Variants in PCDHA2 observed in about 807,000 individuals in gnomAD.
PCDHA2 encodes protocadherin alpha-2.
A neutral mutation model predicts 66.0 loss-of-function variants in PCDHA2; 58 were observed. The observed-to-expected ratio is 0.88, with a 90% CI of 0.71 to 1.09. PCDHA2 has a LOEUF of 1.09. Among genes scored for constraint, PCDHA2 ranks in the 50% least tolerant of loss-of-function variants. PCDHA2 has a pLI of 0.00. For synonymous variants in PCDHA2, 634 were observed against 554.0 expected (o/e 1.14, Z -2.03); for missense variants, 1,267 against 1,242.3 (o/e 1.02, Z -0.30).
rs185567567 is a variant in PCDHA2, at chr5:140,888,396, T to C, written c.2389-90553T>C. 3.4e-3 allele frequency among the ~76,000 whole-genome samples: 514 copies of C among 152,282 alleles called. 3 individuals are homozygous for C. The highest frequency in any genetic ancestry group is 0.014 in the Middle Eastern group (4 of 294). On this transcript the variant is annotated intron_variant, in intron 1 of 3. Coordinates refer to ENST00000526136, the MANE Select transcript of PCDHA2 (RefSeq NM_018905.3). The stretch of plus-strand genomic sequence containing the variant: ...AGCTCTGAGATGCTGCTAAACACCA[T>C]CCAATTGCTGCCAAACATCCTACCG...
chr5:140,930,453 C>G (rs1195640207), intron 1 of PCDHA2: 6 of 152,300 alleles, frequency 3.9e-5, no homozygotes, highest in African/African-American at 1.5e-4. Flanking sequence ...AAACTCCTAG[C>G]CTCAAGTGAT....
chr5:140,948,959 C>T (rs1315047565), intron 1 of PCDHA2, among the ~76,000 whole-genome samples: 13 of 151,622 alleles, frequency 8.6e-5, no homozygotes, highest in South Asian at 6.2e-4. Context: ...ATTAAAGCCA[C>T]GAATTTATTA....
At chr5:140,968,162 C>A in intron 1 of PCDHA2, 1 of 1,614,122 alleles carries the variant, frequency 6.2e-7, no homozygotes, top group East Asian at 2.2e-5. Flanking sequence ...CAATGACAAT[C>A]CACCAAGCTT....
At chr5:140,815,273 C>T (rs2126662792) in intron 1 of PCDHA2, 88,389 of 151,918 alleles carry the variant, frequency 0.58, 26,490 homozygotes, top group African/African-American at 0.73. Flanking sequence ...CCTCTTTCCT[C>T]CTCTTACTGT....
chr5:140,998,003 T>C (rs2097793100), intron 3 of PCDHA2, among the ~76,000 whole-genome samples: 1 of 152,134 alleles, frequency 6.6e-6, no homozygotes, highest in Admixed American at 6.6e-5. Context: ...CCTCTGAGCC[T>C]TCCATCCCCA....
intron 1 of PCDHA2, among the ~76,000 whole-genome samples, chr5:140,957,377 G>A (rs1001680224): frequency 3.3e-5 from 5 of 152,074 alleles, no homozygotes; most frequent in Admixed American, 2.0e-4. Context: ...TTATTATAGT[G>A]TATTGTTATA....
At chr5:140,901,713 A>G (rs1463520839) in intron 1 of PCDHA2, among the ~76,000 whole-genome samples, 1 of 151,994 alleles carries the variant, frequency 6.6e-6, no homozygotes, top group Non-Finnish European at 1.5e-5. Context: ...ACATTTTCAG[A>G]TTGTCTTTTC....
intron 1 of PCDHA2, chr5:140,817,273 C>T (rs1554127237): frequency 6.6e-6 from 1 of 152,292 alleles, no homozygotes; most frequent in African/African-American, 2.4e-5. Flanking sequence ...TTGAATGGAA[C>T]TGTGCTGCTG....
chr5:140,857,437 G>A (rs1554150030), intron 1 of PCDHA2: 2 of 1,598,552 alleles, frequency 1.3e-6, no homozygotes, highest in East Asian at 4.5e-5. Context: ...CGGTGTTCGT[G>A]AAGGAGAACA....
rs572273107 is a variant in PCDHA2, at chr5:140,941,410, G to A, written c.2389-37539G>A. 1.3e-4 allele frequency among the ~76,000 whole-genome samples: 19 copies of A among 147,656 alleles called. 1 individual carries two copies. In the South Asian group the frequency reaches 3.3e-3, roughly 26 times the overall value. ...TGGCTCACTGCAACCTCCGCCTCCC[G>A]GGTTCAAGCAATTCTCTGCCTCAGC... On this transcript the variant is annotated intron_variant, in intron 1 of 3. Transcript: ENST00000526136.
At chr5:140,842,744 T>C in intron 1 of PCDHA2, 1 of 1,595,066 alleles carries the variant, frequency 6.3e-7, no homozygotes, top group East Asian at 2.2e-5. Context: ...CTGCCACATC[T>C]TCACGGTGTC....
rs543488933 is a variant in PCDHA2, at chr5:140,915,492, A to G, written c.2389-63457A>G. The stretch of plus-strand genomic sequence containing the variant: ...TGAAGGAGCTTGGGCCTCAATCCCA[A>G]TAATACTGTGGTTTTTGCAGACTAG... On this transcript the variant is annotated intron_variant, in intron 1 of 3. Coordinates refer to ENST00000526136, the MANE Select transcript of PCDHA2 (RefSeq NM_018905.3). 2.0e-5 allele frequency among the ~76,000 whole-genome samples: 3 copies of G among 152,232 alleles called. No homozygotes were observed. The South Asian group carries it at 6.2e-4, about 32-fold the overall frequency.
intron 1 of PCDHA2, chr5:140,828,026 G>A: frequency 2.0e-6 from 3 of 1,519,410 alleles, no homozygotes; most frequent in Non-Finnish European, 2.6e-6. Context: ...ATAAATTCCG[G>A]AACATACAGT....
chr5:140,980,317 A>G (rs1435571559), intron 2 of PCDHA2, among the ~76,000 whole-genome samples: 1 of 152,194 alleles, frequency 6.6e-6, no homozygotes, highest in Non-Finnish European at 1.5e-5. Context: ...TAAAAACTAC[A>G]TTTGAAATAA....
intron 1 of PCDHA2, among the ~76,000 whole-genome samples, chr5:140,833,370 T>C (rs2150208033): frequency 6.6e-6 from 1 of 152,200 alleles, no homozygotes; most frequent in Admixed American, 6.5e-5. Flanking sequence ...GTAAGGTAGA[T>C]CCAAAAAGGA....
intron 1 of PCDHA2, chr5:140,966,787 A>G (rs781920865): frequency 6.5e-7 from 1 of 1,526,816 alleles, no homozygotes; most frequent in African/African-American, 1.4e-5. Context: ...CGGGCACCAG[A>G]CCTGCGGCGA....
In PCDHA2 at chr5:140,850,224, G is replaced by A. The variant is rs2150474394; in HGVS notation, c.2388+52872G>A. On this transcript the variant is annotated intron_variant, in intron 1 of 3. Coordinates refer to ENST00000526136, the MANE Select transcript of PCDHA2 (RefSeq NM_018905.3). ...TCGGATGAGGGGCACTGACGGCGCAGTGAGCGAGATGGTGCTGCGGTCGGT... is the reference window on the plus strand; with the variant it reads ...TCGGATGAGGGGCACTGACGGCGCAATGAGCGAGATGGTGCTGCGGTCGGT... 9.3e-5 allele frequency: 148 copies of A among 1,593,886 alleles called. 13 individuals carry two copies. The highest frequency in any genetic ancestry group is 1.2e-4 in the Non-Finnish European group (142 of 1,167,688).
intron 1 of PCDHA2, among the ~76,000 whole-genome samples, chr5:140,971,300 A>T (rs555201828): frequency 2.0e-5 from 3 of 152,380 alleles, no homozygotes; most frequent in African/African-American, 7.2e-5. Flanking sequence ...ACTTTGGTAC[A>T]CAAACATTTA....
chr5:140,810,430 T>C (rs1297266211), intron 1 of PCDHA2: 18 of 152,238 alleles, frequency 1.2e-4, no homozygotes, highest in Non-Finnish European at 2.2e-4. Flanking sequence ...CAAGATGTTT[T>C]TACCTGTTTA....
Sources: gnomAD v4.1 joint callset for allele counts (sites outside exome capture counted in the v4.1 genomes callset) on GRCh38, gnomAD v4.1.1 for gene constraint, MANE v1.5 for transcripts, NCBI Gene and HGNC (gene_info 2026-07-23, HGNC 2026-07-21) for gene names.